UBE2D2: variants seen among roughly 807,000 people sequenced by gnomAD.
UBE2D2 encodes ubiquitin-conjugating enzyme E2 D2.
UBE2D2 carries 2 observed loss-of-function variants against 24.2 expected under a neutral mutation model. The observed-to-expected ratio is 0.08, with a 90% CI of 0.03 to 0.26. UBE2D2 has a LOEUF of 0.26. UBE2D2 is among the 10% of genes least tolerant of loss of function. UBE2D2 has a pLI of 1.00. For synonymous variants in UBE2D2, 58 were observed against 56.5 expected (o/e 1.03, Z -0.12); for missense variants, 44 against 177.6 (o/e 0.25, Z 4.28).
chr5:139,582,705 C>G (rs1290739693), intron 1 of UBE2D2, among the ~76,000 whole-genome samples: 8 of 128,644 alleles, frequency 6.2e-5, no homozygotes, highest in African/African-American at 2.5e-4. Context: ...GAGTCTTGCT[C>G]TGTCGCCCAG....
chr5:139,575,794 G>T (rs1027101549), intron 1 of UBE2D2, among the ~76,000 whole-genome samples: 1 of 152,236 alleles, frequency 6.6e-6, no homozygotes, highest in Non-Finnish European at 1.5e-5. Flanking sequence ...GGGAGGCCAA[G>T]GTGGGAGAAT....
intron 1 of UBE2D2, among the ~76,000 whole-genome samples, chr5:139,548,193 A>AAAAAAAAAAAAAAAATAAAAAT: frequency 2.1e-5 from 1 of 47,104 alleles, no homozygotes; most frequent in East Asian, 6.6e-4. Context: ...ATAAAAAAAA[A>AAAAAAAAAAAAAAAATAAAAAT]AAATAAATAA....
At chr5:139,560,343 G>T (rs1395399422), upstream of UBE2D2, among the ~76,000 whole-genome samples, 2 of 151,938 alleles carry the variant, frequency 1.3e-5, no homozygotes, top group Admixed American at 6.6e-5. Flanking sequence ...GACTACAGGC[G>T]CCTGCCACCA....
At chr5:139,555,645 G>A (rs997312283) in intron 1 of UBE2D2, among the ~76,000 whole-genome samples, 1 of 151,990 alleles carries the variant, frequency 6.6e-6, no homozygotes, top group Admixed American at 6.6e-5. Context: ...CTAGAAAAAC[G>A]GCCAGATGTG....
intron 2 of UBE2D2, among the ~76,000 whole-genome samples, chr5:139,611,175 C>CTTTTTTTTTT (rs60626896): frequency 8.5e-5 from 5 of 58,790 alleles, no homozygotes; most frequent in Admixed American, 3.0e-4. Context: ...AGTTTTCCTT[C>CTTTTTTTTTT]TTTTTTTTTT....
intron 5 of UBE2D2, among the ~76,000 whole-genome samples, chr5:139,621,594 T>G (rs976230786): frequency 3.9e-5 from 6 of 152,186 alleles, no homozygotes; most frequent in Non-Finnish European, 5.9e-5. Context: ...TTGTCGTTTT[T>G]GCTAAGAATA....
chr5:139,617,939 T>G (rs1448463923), intron 5 of UBE2D2, among the ~76,000 whole-genome samples: 1 of 151,878 alleles, frequency 6.6e-6, no homozygotes, highest in Non-Finnish European at 1.5e-5. Flanking sequence ...CACTTGGATG[T>G]CAAGACTCAA....
chr5:139,562,232 C>T (rs765342377), intron 1 of UBE2D2: 1 of 1,369,672 alleles, frequency 7.3e-7, no homozygotes, highest in Non-Finnish European at 9.7e-7. Flanking sequence ...CCTCCTCCCA[C>T]ACCTGCCCTA....
chr5:139,599,970 AT>A (rs1449871822), intron 1 of UBE2D2, among the ~76,000 whole-genome samples: 5 of 151,538 alleles, frequency 3.3e-5, no homozygotes, highest in Admixed American at 6.6e-5. Flanking sequence ...TGCCCAGCTA[AT>A]TTTTTCTATC....
chr5:139,573,401 A>G (rs1753396093), intron 1 of UBE2D2, among the ~76,000 whole-genome samples: 1 of 152,112 alleles, frequency 6.6e-6, no homozygotes, highest in Non-Finnish European at 1.5e-5. Context: ...TACATAATAA[A>G]AGTCATCCTC....
chr5:139,583,779 T>C (rs1753658354), intron 1 of UBE2D2, among the ~76,000 whole-genome samples: 1 of 151,962 alleles, frequency 6.6e-6, no homozygotes, highest in Admixed American at 6.6e-5. Context: ...AAAGAAGTTG[T>C]GAAATGAACA....
At chr5:139,610,213 G>A (rs914057146) in intron 2 of UBE2D2, among the ~76,000 whole-genome samples, 1 of 151,914 alleles carries the variant, frequency 6.6e-6, no homozygotes, top group African/African-American at 2.4e-5. Flanking sequence ...TCTACCATAC[G>A]ATAAAAACGC....
chr5:139,567,370 A>G (rs1383206781), intron 1 of UBE2D2, among the ~76,000 whole-genome samples: 1 of 151,076 alleles, frequency 6.6e-6, no homozygotes, highest in Non-Finnish European at 1.5e-5. Flanking sequence ...AGTGCTGGGA[A>G]TACAAGCATG....
intron 5 of UBE2D2, among the ~76,000 whole-genome samples, chr5:139,617,056 G>T (rs1754435477): frequency 6.6e-6 from 1 of 151,932 alleles, no homozygotes; most frequent in African/African-American, 2.4e-5. Context: ...GATGGTGCGT[G>T]CCTGTAGTCC....
intron 1 of UBE2D2, among the ~76,000 whole-genome samples, chr5:139,572,743 C>A (rs1211542801): frequency 1.3e-5 from 2 of 151,378 alleles, no homozygotes; most frequent in Non-Finnish European, 2.9e-5. Context: ...CCTCTCAGGC[C>A]CAAGCAATTC....
chr5:139,540,344 T>C (rs1159546826), intron 1 of UBE2D2, among the ~76,000 whole-genome samples: 1 of 152,138 alleles, frequency 6.6e-6, no homozygotes, highest in East Asian at 1.9e-4. Flanking sequence ...ATTTAAATAG[T>C]ACATCGACAT....
chr5:139,532,173 C>CTTT (rs552161384), intron 1 of UBE2D2, among the ~76,000 whole-genome samples: 3 of 135,864 alleles, frequency 2.2e-5, no homozygotes, highest in African/African-American at 5.4e-5. Context: ...ATTTATTCTA[C>CTTT]TTTTTTTTTT....
chr5:139,553,036 C>A (rs966288680), intron 1 of UBE2D2, among the ~76,000 whole-genome samples: 3 of 151,964 alleles, frequency 2.0e-5, no homozygotes, highest in African/African-American at 7.3e-5. Context: ...TCAGGCTGGT[C>A]CAGAACTCCT....
At chr5:139,591,278 G>A (rs570297551) in intron 1 of UBE2D2, among the ~76,000 whole-genome samples, 9 of 149,858 alleles carry the variant, frequency 6.0e-5, no homozygotes, top group African/African-American at 1.7e-4. Flanking sequence ...GCACCACCAC[G>A]CCCAGCTAAC....
Sources: allele counts gnomAD v4.1 joint callset (sites outside exome capture counted in the v4.1 genomes callset), GRCh38; gene constraint gnomAD v4.1.1; transcripts MANE v1.5; gene names NCBI Gene and HGNC (gene_info 2026-07-23, HGNC 2026-07-21).